The following RNF144A variants were observed in gnomAD, a reference collection of about 807,000 sequenced individuals.
The protein encoded by RNF144A is E3 ubiquitin-protein ligase RNF144A.
A neutral mutation model predicts 38.7 loss-of-function variants in RNF144A; 11 were observed. That is an observed-to-expected ratio of 0.28 (90% confidence interval 0.18 to 0.47). RNF144A has a LOEUF of 0.47. Ranked by LOEUF, RNF144A falls within the 20% of genes least tolerant of loss-of-function variation. The probability of loss-of-function intolerance (pLI) is 0.99; values close to 1 mark genes in which losing one functional copy is unlikely to be tolerated. For missense variants in RNF144A, 316 were observed against 377.2 expected (o/e 0.84, Z 1.34); for synonymous variants, 149 against 143.9 (o/e 1.04, Z -0.25).
chr2:7,034,839 C>G (rs451503), intron 8 of RNF144A, among the ~76,000 whole-genome samples: 66,367 of 151,940 alleles, frequency 0.44, 15,432 homozygotes, highest in South Asian at 0.76. Flanking sequence ...ATGGGACACT[C>G]TGGGGCCGGC....
At chr2:6,928,072 T>C (rs1025566127) in intron 1 of RNF144A, among the ~76,000 whole-genome samples, 9 of 152,198 alleles carry the variant, frequency 5.9e-5, no homozygotes, top group African/African-American at 2.2e-4. Flanking sequence ...AGGTTAGTTA[T>C]GGATGGTTCA....
intron 2 of RNF144A, among the ~76,000 whole-genome samples, chr2:6,981,642 T>G (rs1029002598): frequency 6.6e-6 from 1 of 152,208 alleles, no homozygotes; most frequent in Admixed American, 6.5e-5. Flanking sequence ...TGTCAGCATG[T>G]TGGTCAAAAC....
intron 1 of RNF144A, among the ~76,000 whole-genome samples, chr2:6,924,705 G>T (rs1461021901): frequency 1.3e-5 from 2 of 152,260 alleles, no homozygotes; most frequent in Non-Finnish European, 2.9e-5. Context: ...AACTTGCCAG[G>T]TAGGGCCCCA....
At chr2:7,061,489 T>A (rs569298165) in intron 6 of RNF144A, among the ~76,000 whole-genome samples, 1 of 152,342 alleles carries the variant, frequency 6.6e-6, no homozygotes, top group Non-Finnish European at 1.5e-5. Context: ...ATGTTTTTTT[T>A]AATTCCAAGA....
At position 6,943,744 on chromosome 2, in the gene RNF144A, C is replaced by G. The variant is rs1278618027; in HGVS notation, c.-12+2597C>G. On this transcript the variant is annotated intron_variant, in intron 2 of 8. Coordinates refer to ENST00000320892, the MANE Select transcript of RNF144A (RefSeq NM_014746.6). The surrounding 1 kb of genome is among the most constrained non-coding windows in gnomAD (Gnocchi z 4.3). ...TGGGTGGTGCTCGGAGGAGGAGGCT[C>G]TGCAGTTCTCTTCTGATTACCGACC... is the stretch of plus-strand genomic sequence containing the variant. Among the ~76,000 whole-genome samples the G allele has an allele frequency of 6.6e-6, 1 of 152,094 alleles. No individual in the cohort carries two copies. Among genetic ancestry groups the G allele is most frequent in the African/African-American group, 2.4e-5 (1 of 41,390 alleles).
Position 7,041,074 on chromosome 2 carries a change from G to C in RNF144A, c.*1314G>C. 1.0e-6 allele frequency: 1 copy of C among 985,030 alleles called. No homozygotes were observed. The highest frequency in any genetic ancestry group is 1.7e-5 in the African/African-American group (1 of 57,344). The allele number at this position is 985,030 out of a possible 1,614,324, so 61.0% of individuals were successfully genotyped here. A position where few individuals can be genotyped will look rare whatever the true frequency, so the allele number is the denominator to read the frequency against. On this transcript the variant is annotated 3_prime_UTR_variant, in exon 9 of 9. Transcript: ENST00000320892. ...AGAGAATTTACTTCTAAAAGCCACA[G>C]GTGCTTTTACAAAGCAAACTGCATT...
intron 2 of RNF144A, among the ~76,000 whole-genome samples, chr2:6,970,077 A>G (rs896476814): frequency 6.6e-6 from 1 of 152,222 alleles, no homozygotes. Context: ...TTATAAAATT[A>G]TACCTTCAGG....
chr2:7,012,685 G>C (rs1386812687), intron 3 of RNF144A, among the ~76,000 whole-genome samples: 1 of 152,216 alleles, frequency 6.6e-6, no homozygotes, highest in African/African-American at 2.4e-5. Flanking sequence ...TGGAGGCTGG[G>C]TGTGACTCCT....
downstream of RNF144A, among the ~76,000 whole-genome samples, chr2:7,047,078 C>G (rs6707249): frequency 0.13 from 20,300 of 152,150 alleles, 2,117 homozygotes; most frequent in East Asian, 0.55. Context: ...AGTTGGACTC[C>G]ATGTTCCTTT....
chr2:7,030,093 C>G (rs377696543), intron 7 of RNF144A, 33 bp from the exon 8 acceptor site: 74 of 1,453,502 alleles, frequency 5.1e-5, no homozygotes, highest in Non-Finnish European at 6.7e-5. Context: ...AGGAACCACT[C>G]GTTCATGCCG....
chr2:7,075,103 G>A, the RNF144A span, among the ~76,000 whole-genome samples: 29 of 152,142 alleles, frequency 1.9e-4, no homozygotes, highest in African/African-American at 7.0e-4. Context: ...CAGTGTGGAT[G>A]GTGGATGGCT....
In RNF144A at chr2:6,942,915, C is replaced by T. The variant is rs367776178; in HGVS notation, c.-12+1768C>T. The stretch of plus-strand genomic sequence containing the variant: ...AGGAGAATTGCTTGAACCTGGGAGG[C>T]GGAGGTCGCAGTGAGCTGAGTTCGT... On this transcript the variant is annotated intron_variant, in intron 2 of 8. Coordinates refer to ENST00000320892, the MANE Select transcript of RNF144A (RefSeq NM_014746.6). 7.2e-5 allele frequency among the ~76,000 whole-genome samples: 11 copies of T among 152,204 alleles called. 1 individual carries two copies. In the South Asian group the frequency reaches 1.7e-3, roughly 23 times the overall value.
intron 2 of RNF144A, among the ~76,000 whole-genome samples, chr2:6,980,959 G>A (rs1432080202): frequency 2.6e-5 from 4 of 152,230 alleles, no homozygotes; most frequent in African/African-American, 7.2e-5. Context: ...CACGTGGAAG[G>A]TGCCAAGGCT....
chr2:7,047,706 C>T (rs1390014394), downstream of RNF144A, among the ~76,000 whole-genome samples: 1 of 152,206 alleles, frequency 6.6e-6, no homozygotes, highest in Non-Finnish European at 1.5e-5. Flanking sequence ...GAGGTGTAGA[C>T]AGTCCAGAAG....
intron 7 of RNF144A, among the ~76,000 whole-genome samples, 200 bp downstream of exon 7, chr2:7,024,716 G>A (rs1056487984): frequency 4.6e-5 from 7 of 152,180 alleles, no homozygotes; most frequent in African/African-American, 7.2e-5. Context: ...TTTGTGACTC[G>A]TATAGTCCTG....
At chr2:7,076,211 AT>A in the RNF144A span, among the ~76,000 whole-genome samples, 193 of 152,272 alleles carry the variant, frequency 1.3e-3, no homozygotes, top group African/African-American at 4.5e-3. Context: ...CTAATATTAA[AT>A]ATGTGTTACT....
At chr2:7,039,513 T>A (rs1452435819) in intron 8 of RNF144A, 116 bp from the exon 9 acceptor site, 1 of 1,519,174 alleles carries the variant, frequency 6.6e-7, no homozygotes, top group African/African-American at 1.4e-5. Flanking sequence ...GATAGATGGA[T>A]GGTTGGGTGG....
At chr2:6,971,675 A>T (rs1195993633) in intron 2 of RNF144A, among the ~76,000 whole-genome samples, 6 of 152,106 alleles carry the variant, frequency 3.9e-5, no homozygotes. Flanking sequence ...GGGCCTTGGA[A>T]TCCTGTCCTC....
chr2:7,062,489 C>A (rs1572496398), intron 6 of RNF144A, among the ~76,000 whole-genome samples: 1 of 112,924 alleles, frequency 8.9e-6, no homozygotes, highest in African/African-American at 3.4e-5. Context: ...AGAAATAGTG[C>A]TGGGTGCTAA....
Sources: allele counts gnomAD v4.1 joint callset (sites outside exome capture counted in the v4.1 genomes callset), GRCh38; gene constraint gnomAD v4.1.1; non-coding constraint Gnocchi (gnomAD v3.1); transcripts MANE v1.5; gene names NCBI Gene and HGNC (gene_info 2026-07-23, HGNC 2026-07-21).